ESRRG: variants seen among roughly 807,000 people sequenced by gnomAD.
ESRRG encodes the protein estrogen-related receptor gamma.
ESRRG carries 13 observed loss-of-function variants against 44.0 expected under a neutral mutation model. The observed-to-expected ratio is 0.30, with a 90% confidence interval of 0.19 to 0.47. The LOEUF (loss-of-function observed/expected upper bound fraction) is 0.47. ESRRG is among the 20% of genes least tolerant of loss of function. ESRRG has a pLI of 1.00. For missense variants in ESRRG, 395 were observed against 580.6 expected (o/e 0.68, Z 3.29); for synonymous variants, 215 against 214.6 (o/e 1.00, Z -0.02).
intron 3 of ESRRG, among the ~76,000 whole-genome samples, chr1:216,602,910 C>T (rs941054252): frequency 6.6e-6 from 1 of 152,062 alleles, no homozygotes; most frequent in African/African-American, 2.4e-5. Flanking sequence ...TAAGACAAAA[C>T]AGTTTTTCAG....
chr1:216,647,519 A>G (rs1468448400), intron 3 of ESRRG, among the ~76,000 whole-genome samples: 2 of 152,124 alleles, frequency 1.3e-5, no homozygotes, highest in African/African-American at 4.8e-5. Context: ...TAACATTAAA[A>G]TCAAATGTAG....
chr1:216,953,584 C>T (rs1487789167), intron 1 of ESRRG, among the ~76,000 whole-genome samples: 2 of 151,970 alleles, frequency 1.3e-5, no homozygotes, highest in Admixed American at 6.6e-5. Flanking sequence ...TCCCTCTTGG[C>T]CCTGCTTGCT....
chr1:216,801,583 G>T (rs187639699), intron 2 of ESRRG, among the ~76,000 whole-genome samples: 7 of 152,202 alleles, frequency 4.6e-5, no homozygotes, highest in African/African-American at 1.7e-4. Flanking sequence ...TTCCTTTTCT[G>T]CACACCTTCG....
At chr1:216,976,364 C>A (rs903710680) in intron 1 of ESRRG, among the ~76,000 whole-genome samples, 2 of 151,378 alleles carry the variant, frequency 1.3e-5, no homozygotes, top group African/African-American at 2.4e-5. Context: ...CCACTCCAAC[C>A]TCCATAGCTT....
rs11572418 is a variant in ESRRG, at chr1:217,040,095, G to A, written c.-106+49412C>T. ...GCAACAATGGCTAAATTATTTTAACGCAGTGATATCTCACACAACATCCCT... is the reference window on the plus strand; with the variant it reads ...GCAACAATGGCTAAATTATTTTAACACAGTGATATCTCACACAACATCCCT... On this transcript the variant is annotated intron_variant, in intron 1 of 7. Transcript: ENST00000359162. 6.8e-3 allele frequency among the ~76,000 whole-genome samples: 1,032 copies of A among 152,210 alleles called. 8 individuals are homozygous for A. Among genetic ancestry groups the A allele is most frequent in the African/African-American group, 0.023 (948 of 41,542 alleles).
chr1:217,012,640 G>T (rs2078796821), intron 1 of ESRRG, among the ~76,000 whole-genome samples: 1 of 152,150 alleles, frequency 6.6e-6, no homozygotes, highest in East Asian at 1.9e-4. Context: ...TCCTTCCACA[G>T]GTTCCTCAAG....
intron 2 of ESRRG, among the ~76,000 whole-genome samples, chr1:216,889,339 A>G (rs1244515321): frequency 6.6e-6 from 1 of 152,166 alleles, no homozygotes; most frequent in African/African-American, 2.4e-5. Flanking sequence ...GGGTTTTTGC[A>G]CATGCTAGGC....
At chr1:217,111,666 C>A (rs976795423) in intron 1 of ESRRG, among the ~76,000 whole-genome samples, 1 of 152,118 alleles carries the variant, frequency 6.6e-6, no homozygotes, top group East Asian at 1.9e-4. Context: ...TGTGAAACCA[C>A]AGAGGCTCCT....
intron 1 of ESRRG, among the ~76,000 whole-genome samples, chr1:217,016,901 G>A (rs552735776): frequency 6.6e-6 from 1 of 152,194 alleles, no homozygotes; most frequent in Non-Finnish European, 1.5e-5. Context: ...CGTCCATACA[G>A]TTTATCCTCA....
intron 1 of ESRRG, among the ~76,000 whole-genome samples, chr1:217,019,606 A>G (rs968762602): frequency 2.6e-5 from 4 of 152,234 alleles, no homozygotes; most frequent in Admixed American, 6.5e-5. Context: ...TAACTAGTAC[A>G]TTCCAAGGGT....
At chr1:216,554,640 A>G (rs2057138848) in intron 5 of ESRRG, among the ~76,000 whole-genome samples, 1 of 152,134 alleles carries the variant, frequency 6.6e-6, no homozygotes, top group African/African-American at 2.4e-5. Flanking sequence ...CATCTCTTAA[A>G]AAAACTAATT....
chr1:216,898,177 A>G (rs1219461855), intron 2 of ESRRG, among the ~76,000 whole-genome samples: 3 of 152,224 alleles, frequency 2.0e-5, no homozygotes, highest in Non-Finnish European at 4.4e-5. Context: ...TTAACATTTC[A>G]GCAACTCAGT....
At chr1:216,668,743 C>T (rs796546628) in intron 2 of ESRRG, among the ~76,000 whole-genome samples, 6 of 152,068 alleles carry the variant, frequency 3.9e-5, no homozygotes, top group African/African-American at 1.2e-4. Flanking sequence ...CATATATTCA[C>T]GCATATATAT....
chr1:216,506,881 CTT>C lies in ESRRG; in HGVS notation c.*56_*57del, dbSNP rs1424250754. 3.8e-6 allele frequency: 6 copies of C among 1,568,942 alleles called. No homozygotes were observed. Among genetic ancestry groups the C allele is most frequent in the African/African-American group, 1.4e-5 (1 of 73,224 alleles). On this transcript the variant is annotated 3_prime_UTR_variant, in exon 7 of 7. Coordinates refer to ENST00000408911, the MANE Select transcript of ESRRG (RefSeq NM_001438.4). ...AACTCTAAGTTTCTTCGACATCACT[CTT>C]GGGTTTATTTTCCCTTTTTCAACAT...
intron 1 of ESRRG, among the ~76,000 whole-genome samples, chr1:217,117,302 G>T (rs2092743327): frequency 6.6e-6 from 1 of 152,114 alleles, no homozygotes; most frequent in Non-Finnish European, 1.5e-5. Flanking sequence ...ATGAAATAAA[G>T]TTGGCCAGCC....
intron 1 of ESRRG, among the ~76,000 whole-genome samples, chr1:217,072,707 T>C (rs1253822851): frequency 1.5e-5 from 2 of 133,876 alleles, no homozygotes; most frequent in Non-Finnish European, 3.2e-5. Context: ...TGGGGGTGTG[T>C]GTGTTTTTTC....
Position 216,899,301 on chromosome 1 carries a change from C to T in ESRRG, c.-14+40281G>A, listed in dbSNP as rs1053064706. Among the ~76,000 whole-genome samples, 20 of 152,124 alleles carry T rather than the reference C, an allele frequency of 1.3e-4. 1 individual carries two copies. The highest frequency in any genetic ancestry group is 6.2e-4 in the South Asian group (3 of 4,824). ...CTTTGAATAAATATTCTTATTAGTG[C>T]GAAACTTTATAGACAATGTTGACGA... is the stretch of plus-strand genomic sequence containing the variant. On this transcript the variant is annotated intron_variant, in intron 2 of 7. Transcript: ENST00000359162.
At chr1:217,121,831 T>A (rs992924079) in intron 1 of ESRRG, among the ~76,000 whole-genome samples, 2 of 152,176 alleles carry the variant, frequency 1.3e-5, no homozygotes, top group African/African-American at 4.8e-5. Context: ...TCTAATAATG[T>A]TTCAGCCAAG....
Position 216,807,812 on chromosome 1 carries a change from C to T in ESRRG, c.-13-130321G>A, listed in dbSNP as rs183621621. Among the ~76,000 whole-genome samples the T allele has an allele frequency of 1.1e-4, 16 of 152,176 alleles. No individual in the cohort carries two copies. In the East Asian group the frequency reaches 2.5e-3, roughly 24 times the overall value. On this transcript the variant is annotated intron_variant, in intron 2 of 7. Transcript: ENST00000359162. Reference sequence around the variant, plus strand: ...GGATGGCTATCTAAGAAGCCTGGCTCATTAAATAGTATTAATGCTAACCAT... The same window carrying T: ...GGATGGCTATCTAAGAAGCCTGGCTTATTAAATAGTATTAATGCTAACCAT...
Sources: allele counts gnomAD v4.1 joint callset (sites outside exome capture counted in the v4.1 genomes callset), GRCh38; gene constraint gnomAD v4.1.1; transcripts MANE v1.5; gene names NCBI Gene and HGNC (gene_info 2026-07-23, HGNC 2026-07-21).